The following KHDRBS3 variants were observed in gnomAD, a reference collection of about 807,000 sequenced individuals.
KHDRBS3 encodes the protein KH RNA binding domain containing, signal transduction associated 3.
A neutral mutation model predicts 45.6 loss-of-function variants in KHDRBS3; 23 were observed. That is an observed-to-expected ratio of 0.50 (90% confidence interval 0.36 to 0.72). KHDRBS3 has a LOEUF of 0.72. Among genes scored for constraint, KHDRBS3 ranks in the 30% least tolerant of loss-of-function variants. The pLI is 0.00. For synonymous variants in KHDRBS3, 162 were observed against 156.5 expected (o/e 1.04, Z -0.26); for missense variants, 352 against 424.8 (o/e 0.83, Z 1.51).
chr8:135,505,873 T>A lies in KHDRBS3; in HGVS notation c.89-15364T>A, dbSNP rs186233312. Among the ~76,000 whole-genome samples the A allele has an allele frequency of 4.9e-4, 62 of 126,886 alleles. No homozygotes were observed. The East Asian group carries it at 0.012, about 24-fold the overall frequency. The allele number at this position is 126,886 out of a possible 152,430, so 83.2% of individuals were successfully genotyped here. On this transcript the variant is annotated intron_variant, in intron 1 of 8. Transcript: ENST00000355849. ...CTGTAACTGCTAGAGTTTAGAACCATCACTCTGATCTGCTGCCAGGAACTG... is the reference window on the plus strand; with the variant it reads ...CTGTAACTGCTAGAGTTTAGAACCAACACTCTGATCTGCTGCCAGGAACTG...
At chr8:135,506,183 C>T (rs1238955389) in intron 1 of KHDRBS3, among the ~76,000 whole-genome samples, 1 of 152,146 alleles carries the variant, frequency 6.6e-6, no homozygotes, top group Non-Finnish European at 1.5e-5. Flanking sequence ...AGAATATCAT[C>T]ATTTATTCAC....
In KHDRBS3 at chr8:135,607,150, T is replaced by C. The variant is rs572245935; in HGVS notation, c.890+113T>C. On this transcript the variant is annotated intron_variant, in intron 7 of 8. Transcript: ENST00000355849. ...TAGAGAGGGTAATTGGCTTGCCCTG[T>C]TTTTGTATTTGTTTAAATGGAGAAG... 2.6e-4 allele frequency: 190 copies of C among 722,932 alleles called. No homozygotes were observed. In the East Asian group the frequency reaches 5.0e-3, roughly 19 times the overall value. 44.8% of individuals were successfully genotyped at this position (722,932 alleles called of 1,614,324 possible).
intron 5 of KHDRBS3, among the ~76,000 whole-genome samples, chr8:135,558,725 C>G (rs1827016466): frequency 6.6e-6 from 1 of 152,084 alleles, no homozygotes; most frequent in African/African-American, 2.4e-5. Flanking sequence ...ATCTTAGGAA[C>G]TTACTTACCT....
At chr8:135,459,549 CTG>C (rs1382315507) in intron 1 of KHDRBS3, among the ~76,000 whole-genome samples, 1 of 152,168 alleles carries the variant, frequency 6.6e-6, no homozygotes, top group African/African-American at 2.4e-5. Context: ...GCTGTCATCT[CTG>C]TGAAAGAAAT....
intron 4 of KHDRBS3, among the ~76,000 whole-genome samples, chr8:135,652,935 A>G (rs1831458784): frequency 6.6e-6 from 1 of 152,236 alleles, no homozygotes; most frequent in Non-Finnish European, 1.5e-5. Context: ...CTGATAGTAC[A>G]GGACAATGTA....
intron 5 of KHDRBS3, among the ~76,000 whole-genome samples, chr8:135,575,485 T>A (rs902569628): frequency 2.6e-5 from 4 of 152,172 alleles, no homozygotes; most frequent in Non-Finnish European, 5.9e-5. Flanking sequence ...TACAAACATG[T>A]CTGCATCCTA....
intron 2 of KHDRBS3, among the ~76,000 whole-genome samples, chr8:135,526,727 A>T (rs549719567): frequency 6.6e-6 from 1 of 152,316 alleles, no homozygotes; most frequent in African/African-American, 2.4e-5. Context: ...CCATTAATTG[A>T]ATAATTTCTC....
At chr8:135,559,058 T>C (rs912429888) in intron 5 of KHDRBS3, among the ~76,000 whole-genome samples, 1 of 152,190 alleles carries the variant, frequency 6.6e-6, no homozygotes, top group Non-Finnish European at 1.5e-5. Flanking sequence ...GTGATTATAT[T>C]TAGGGCACAC....
At chr8:135,548,159 C>T (rs1157745318) in intron 3 of KHDRBS3, among the ~76,000 whole-genome samples, 2 of 152,114 alleles carry the variant, frequency 1.3e-5, no homozygotes, top group African/African-American at 4.8e-5. Flanking sequence ...ATCATTCATT[C>T]AACGAATCTT....
intron 1 of KHDRBS3, among the ~76,000 whole-genome samples, chr8:135,469,585 A>G (rs62522946): frequency 2.2e-5 from 3 of 138,992 alleles, no homozygotes; most frequent in Admixed American, 7.5e-5. Context: ...CTGGAGTGCA[A>G]TGGCGCGGTC....
At chr8:135,637,041 G>A (rs1397483411) in intron 7 of KHDRBS3, among the ~76,000 whole-genome samples, 2 of 152,228 alleles carry the variant, frequency 1.3e-5, no homozygotes, top group Non-Finnish European at 2.9e-5. Flanking sequence ...GTTGTGGTCA[G>A]GTGACTGGAC....
intron 4 of KHDRBS3, among the ~76,000 whole-genome samples, chr8:135,552,050 C>T (rs537413960): frequency 6.6e-6 from 1 of 152,188 alleles, no homozygotes; most frequent in African/African-American, 2.4e-5. Flanking sequence ...TGTGTATAAT[C>T]TGTTGTTTTT....
chr8:135,653,636 T>A (rs1219887689), intron 4 of KHDRBS3, among the ~76,000 whole-genome samples: 4 of 152,210 alleles, frequency 2.6e-5, no homozygotes, highest in African/African-American at 9.6e-5. Flanking sequence ...AACTTTATTA[T>A]AAAATAGGCC....
At chr8:135,571,705 C>G (rs1827710914) in intron 5 of KHDRBS3, among the ~76,000 whole-genome samples, 1 of 152,154 alleles carries the variant, frequency 6.6e-6, no homozygotes, top group East Asian at 1.9e-4. Context: ...GGCTTGGAGG[C>G]AGAAGAGAAG....
At chr8:135,593,695 C>T (rs1162535783) in intron 6 of KHDRBS3, among the ~76,000 whole-genome samples, 1 of 152,132 alleles carries the variant, frequency 6.6e-6, no homozygotes, top group Non-Finnish European at 1.5e-5. Context: ...CCAGAATGGT[C>T]TCAGACTCCT....
At chr8:135,517,802 T>C (rs1824690141) in intron 1 of KHDRBS3, among the ~76,000 whole-genome samples, 2 of 152,302 alleles carry the variant, frequency 1.3e-5, no homozygotes, top group African/African-American at 2.4e-5. Context: ...GCTTCTGATA[T>C]GGCATCAGGC....
At chr8:135,589,793 A>AGCTCTGTGCCTC (rs1828659423) in intron 6 of KHDRBS3, among the ~76,000 whole-genome samples, 1 of 152,194 alleles carries the variant, frequency 6.6e-6, no homozygotes, top group African/African-American at 2.4e-5. Flanking sequence ...TACTAAGTAA[A>AGCTCTGTGCCTC]TATGCGGAGG....
intron 6 of KHDRBS3, among the ~76,000 whole-genome samples, chr8:135,592,968 G>T (rs574001350): frequency 6.6e-6 from 1 of 152,258 alleles, no homozygotes; most frequent in African/African-American, 2.4e-5. Context: ...GGAGGCCGGA[G>T]TTGGAGGTTT....
chr8:135,493,066 T>C (rs1452368816), intron 1 of KHDRBS3, among the ~76,000 whole-genome samples: 2 of 151,892 alleles, frequency 1.3e-5, no homozygotes, highest in Non-Finnish European at 2.9e-5. Context: ...ATTTCATATT[T>C]TTTGATGTTA....
Sources: gnomAD v4.1 joint callset for allele counts (sites outside exome capture counted in the v4.1 genomes callset) on GRCh38, gnomAD v4.1.1 for gene constraint, MANE v1.5 for transcripts, NCBI Gene and HGNC (gene_info 2026-07-23, HGNC 2026-07-21) for gene names.